The following OPCML variants were observed in gnomAD, a reference collection of about 807,000 sequenced individuals.
OPCML encodes the protein opioid binding protein/cell adhesion molecule like.
In OPCML, 13 loss-of-function variants were observed where a neutral mutation model predicts 37.8. That is an observed-to-expected ratio of 0.34 (90% CI 0.22 to 0.55). The LOEUF is 0.55. Among genes scored for constraint, OPCML ranks in the 20% least tolerant of loss-of-function variants. The pLI, the probability that OPCML is intolerant of heterozygous loss-of-function variation, is 0.91. For missense variants in OPCML, 341 were observed against 435.6 expected (o/e 0.78, Z 1.93); for synonymous variants, 176 against 168.8 (o/e 1.04, Z -0.33).
At chr11:133,189,492 T>C (rs1592086957) in intron 1 of OPCML, among the ~76,000 whole-genome samples, 1 of 152,212 alleles carries the variant, frequency 6.6e-6, no homozygotes, top group African/African-American at 2.4e-5. Context: ...GGATACTAGT[T>C]AAATCTTACC....
In OPCML at chr11:133,174,216, G is replaced by A. The variant is rs1295174041; in HGVS notation, c.62-231206C>T. Among the ~76,000 whole-genome samples, 3 of 152,162 alleles carry A rather than the reference G, an allele frequency of 2.0e-5. No individual in the cohort carries two copies. Among genetic ancestry groups the A allele is most frequent in the East Asian group, 1.9e-4 (1 of 5,188 alleles). On this transcript the variant is annotated intron_variant, in intron 1 of 7. Transcript: ENST00000524381. This position sits in a 1 kb window ranked among gnomAD's most constrained non-coding sequence, Gnocchi z 4.6. ...CCTCCCCTACCACGACAGGAAGAAG[G>A]AAATGGAGCTCCGGAGTAACTCCTA... is the stretch of plus-strand genomic sequence containing the variant.
intron 1 of OPCML, among the ~76,000 whole-genome samples, chr11:133,286,462 G>C (rs4335561): frequency 0.39 from 48,049 of 124,404 alleles, 10,721 homozygotes; most frequent in East Asian, 0.76. Context: ...GAGCGAGACT[G>C]TGTCTCACAA....
chr11:132,820,061 C>CTGAA (rs35080742), intron 2 of OPCML, among the ~76,000 whole-genome samples: 6,656 of 73,914 alleles, frequency 0.09, 165 homozygotes, highest in Admixed American at 0.12. Flanking sequence ...ACAGCAAAAA[C>CTGAA]TGAATGAATG....
intron 1 of OPCML, among the ~76,000 whole-genome samples, chr11:133,237,227 A>T (rs538404230): frequency 6.6e-6 from 1 of 152,210 alleles, no homozygotes; most frequent in Admixed American, 6.5e-5. Context: ...CAACATTTAG[A>T]AAGGTTGTGC....
chr11:132,893,635 C>A (rs1438576674), intron 2 of OPCML, among the ~76,000 whole-genome samples: 1 of 152,242 alleles, frequency 6.6e-6, no homozygotes, highest in Non-Finnish European at 1.5e-5. Flanking sequence ...TCTTTGCCAG[C>A]CTCTTATGAA....
At chr11:132,715,021 G>A (rs76171910) in intron 2 of OPCML, among the ~76,000 whole-genome samples, 4 of 152,134 alleles carry the variant, frequency 2.6e-5, no homozygotes, top group African/African-American at 9.7e-5. Context: ...ACTTAATGGG[G>A]TCTCTGCCAT....
At chr11:133,470,233 C>T (rs921132092) in intron 1 of OPCML, among the ~76,000 whole-genome samples, 1 of 151,980 alleles carries the variant, frequency 6.6e-6, no homozygotes, top group East Asian at 1.9e-4. Flanking sequence ...GTTTGAAATC[C>T]CAACTTGAAA....
chr11:133,352,381 T>C (rs1261215224), intron 1 of OPCML, among the ~76,000 whole-genome samples: 1 of 152,214 alleles, frequency 6.6e-6, no homozygotes, highest in Non-Finnish European at 1.5e-5. Context: ...GGGAATGCTC[T>C]TTCCTGGATC....
intron 1 of OPCML, chr11:133,423,021 C>T (rs1945924199): frequency 3.0e-6 from 3 of 985,214 alleles, no homozygotes; most frequent in Non-Finnish European, 3.6e-6. Flanking sequence ...TCCACTGTGC[C>T]ATCCAAGGAA....
In OPCML at chr11:132,418,360, G is replaced by A. The variant is rs1432501395; in HGVS notation, c.*1833C>T. On this transcript the variant is annotated 3_prime_UTR_variant, in exon 8 of 8. Coordinates refer to ENST00000524381, the MANE Select transcript of OPCML (RefSeq NM_001012393.5). Reference sequence around the variant, plus strand: ...TGAATCCCAGGCAACTTTGCTGGATGAGTCCTTCTCGTCCCAGGAGACAAG... The same window carrying A: ...TGAATCCCAGGCAACTTTGCTGGATAAGTCCTTCTCGTCCCAGGAGACAAG... The A allele has an allele frequency of 6.6e-6, 1 of 152,246 alleles. No individual in the cohort carries two copies. The highest frequency in any genetic ancestry group is 1.5e-5 in the Non-Finnish European group (1 of 68,050). 9.4% of individuals were successfully genotyped at this position (152,246 alleles called of 1,614,324 possible).
chr11:133,202,600 C>T (rs985637968), intron 1 of OPCML, among the ~76,000 whole-genome samples: 3 of 152,218 alleles, frequency 2.0e-5, no homozygotes, highest in African/African-American at 4.8e-5. Context: ...TGTTGGCCAG[C>T]GGCTCTGTCC....
chr11:133,516,862 A>T (rs12285739), intron 1 of OPCML, among the ~76,000 whole-genome samples: 28,004 of 152,204 alleles, frequency 0.18, 3,428 homozygotes, highest in Middle Eastern at 0.29. Context: ...AATATTCTGG[A>T]TGCAGGTCTG....
intron 1 of OPCML, among the ~76,000 whole-genome samples, chr11:133,262,121 G>A (rs1941514140): frequency 6.6e-6 from 1 of 152,168 alleles, no homozygotes; most frequent in Non-Finnish European, 1.5e-5. Context: ...TGTACGGCAT[G>A]ATGTTTTGAT....
At chr11:132,978,422 C>T (rs577615059) in intron 1 of OPCML, among the ~76,000 whole-genome samples, 1 of 152,208 alleles carries the variant, frequency 6.6e-6, no homozygotes, top group South Asian at 2.1e-4. Context: ...CGCTGAAAAG[C>T]CTTAAAATGA....
chr11:132,501,211 C>A (rs1461589903), intron 4 of OPCML, among the ~76,000 whole-genome samples: 1 of 152,156 alleles, frequency 6.6e-6, no homozygotes, highest in Admixed American at 6.5e-5. Context: ...TTTCCTTACA[C>A]CTTATACAAA....
At chr11:132,450,833 C>A (rs1013347545) in intron 4 of OPCML, among the ~76,000 whole-genome samples, 3 of 152,108 alleles carry the variant, frequency 2.0e-5, no homozygotes, top group Non-Finnish European at 4.4e-5. Flanking sequence ...ATTGCGTAAC[C>A]ACCCTAGGCT....
chr11:133,023,497 C>T (rs1186629847), intron 1 of OPCML, among the ~76,000 whole-genome samples: 1 of 152,182 alleles, frequency 6.6e-6, no homozygotes, highest in Non-Finnish European at 1.5e-5. Flanking sequence ...CACCTTACCA[C>T]ACTTCACCTA....
rs551654590 is a variant in OPCML at position 132,952,821 on chromosome 11, G to A, written c.62-9811C>T. ...AAGTGCCCTTCCCAGAGCCTGGCAC[G>A]ATGGCAGCTCTCCATGATGGGGGAT... On this transcript the variant is annotated intron_variant, in intron 1 of 7. Transcript: ENST00000524381. Among the ~76,000 whole-genome samples the A allele has an allele frequency of 1.2e-3, 178 of 152,254 alleles. 1 individual carries two copies. Among genetic ancestry groups the A allele is most frequent in the African/African-American group, 4.1e-3 (170 of 41,550 alleles).
intron 2 of OPCML, among the ~76,000 whole-genome samples, chr11:132,865,699 G>C (rs745981735): frequency 2.6e-5 from 4 of 152,188 alleles, no homozygotes; most frequent in Non-Finnish European, 5.9e-5. Context: ...AGGCCAAATC[G>C]AGAGCAATGA....
Sources: allele counts gnomAD v4.1 joint callset (sites outside exome capture counted in the v4.1 genomes callset), GRCh38; gene constraint gnomAD v4.1.1; non-coding constraint Gnocchi (gnomAD v3.1); transcripts MANE v1.5; gene names NCBI Gene and HGNC (gene_info 2026-07-23, HGNC 2026-07-21).